TTC29: variants seen among roughly 807,000 people sequenced by gnomAD.
The protein encoded by TTC29 is tetratricopeptide repeat domain 29, also known as tetratricopeptide repeat protein 29.
Under a neutral mutation model 58.1 loss-of-function variants are expected in TTC29, and 49 were observed. The ratio of observed to expected loss-of-function variants is 0.84; its 90% CI spans 0.67 to 1.07. The LOEUF (loss-of-function observed/expected upper bound fraction) is 1.07. TTC29 is among the 50% of genes least tolerant of loss of function. The probability of loss-of-function intolerance (pLI) is 0.00; values close to 1 mark genes in which losing one functional copy is unlikely to be tolerated. For missense variants in TTC29, 582 were observed against 555.6 expected (o/e 1.05, Z -0.48); for synonymous variants, 209 against 196.8 (o/e 1.06, Z -0.52).
At chr4:146,707,584 T>C (rs764030093) in intron 11 of TTC29, 33 bp from the exon 12 acceptor site, 1 of 1,444,960 alleles carries the variant, frequency 6.9e-7, no homozygotes, top group East Asian at 2.3e-5. Flanking sequence ...TAATAGATTA[T>C]CATGAACACA....
intron 4 of TTC29, among the ~76,000 whole-genome samples, chr4:146,924,661 A>C (rs1734806716): frequency 6.6e-6 from 1 of 151,426 alleles, no homozygotes; most frequent in Admixed American, 6.6e-5. Context: ...CGAATGGTTG[A>C]TCAATTTTTT....
At chr4:146,837,407 A>G (rs977859941) in intron 8 of TTC29, among the ~76,000 whole-genome samples, 4 of 152,042 alleles carry the variant, frequency 2.6e-5, no homozygotes, top group African/African-American at 9.7e-5. Flanking sequence ...TAGGTTTAGT[A>G]CCCAGGTGAT....
intron 11 of TTC29, chr4:146,764,232 A>T (rs1186509747): frequency 6.6e-6 from 1 of 152,114 alleles, no homozygotes; most frequent in African/African-American, 2.4e-5. Context: ...AATAGATTCC[A>T]ATTCATAGCT....
chr4:146,923,121 C>T (rs1179379679), intron 4 of TTC29, among the ~76,000 whole-genome samples: 2 of 151,766 alleles, frequency 1.3e-5, no homozygotes, highest in East Asian at 3.8e-4. Flanking sequence ...ATTGTAATTT[C>T]TTTCACTGGG....
intron 11 of TTC29, among the ~76,000 whole-genome samples, chr4:146,786,581 T>G (rs926544553): frequency 1.3e-5 from 2 of 152,184 alleles, no homozygotes; most frequent in African/African-American, 4.8e-5. Context: ...ATTTAAACTT[T>G]AGGCTCCGAA....
chr4:146,726,208 C>A (rs576667111), intron 11 of TTC29, among the ~76,000 whole-genome samples: 2 of 152,114 alleles, frequency 1.3e-5, no homozygotes, highest in East Asian at 3.9e-4. Flanking sequence ...CAGCTGGGCA[C>A]TTTGGGAGCC....
intron 11 of TTC29, among the ~76,000 whole-genome samples, chr4:146,731,905 G>C (rs1045154922): frequency 6.6e-6 from 1 of 152,172 alleles, no homozygotes; most frequent in African/African-American, 2.4e-5. Context: ...GTTGCTTGTA[G>C]CTGCTGCCAC....
chr4:146,857,541 G>A (rs889516178), intron 8 of TTC29, among the ~76,000 whole-genome samples: 1 of 152,108 alleles, frequency 6.6e-6, no homozygotes, highest in Non-Finnish European at 1.5e-5. Context: ...TTAGAAGCTG[G>A]TGATGAACTA....
intron 11 of TTC29, among the ~76,000 whole-genome samples, chr4:146,779,465 A>G (rs1318762154): frequency 6.6e-6 from 1 of 152,192 alleles, no homozygotes; most frequent in Non-Finnish European, 1.5e-5. Flanking sequence ...ATTGAATTCA[A>G]CTGAGATATG....
At chr4:146,786,283 C>T (rs1416875237) in intron 11 of TTC29, among the ~76,000 whole-genome samples, 1 of 152,202 alleles carries the variant, frequency 6.6e-6, no homozygotes, top group East Asian at 1.9e-4. Flanking sequence ...CGTTTGTTCT[C>T]TAAAAGACTG....
chr4:146,781,995 C>CAAAT (rs1203650636), intron 11 of TTC29, among the ~76,000 whole-genome samples: 1 of 151,268 alleles, frequency 6.6e-6, no homozygotes, highest in African/African-American at 2.4e-5. Context: ...CAATTTCTAT[C>CAAAT]AAATAGGAAA....
intron 6 of TTC29, among the ~76,000 whole-genome samples, chr4:146,875,153 C>T (rs191142215): frequency 6.6e-6 from 1 of 152,054 alleles, no homozygotes; most frequent in Admixed American, 6.6e-5. Flanking sequence ...TGTACTCTGG[C>T]TAGTAGAAAT....
chr4:146,886,874 T>C (rs920899206), intron 6 of TTC29, among the ~76,000 whole-genome samples: 3 of 152,178 alleles, frequency 2.0e-5, no homozygotes, highest in Non-Finnish European at 4.4e-5. Context: ...CATTTAATTT[T>C]ATTCAGCCTT....
intron 11 of TTC29, among the ~76,000 whole-genome samples, chr4:146,751,432 C>T (rs375048879): frequency 1.3e-5 from 2 of 152,262 alleles, no homozygotes; most frequent in African/African-American, 4.8e-5. Flanking sequence ...GGACATAAAA[C>T]GTTCTTCAGG....
At chr4:146,923,937 GAATA>G (rs1734761186) in intron 4 of TTC29, among the ~76,000 whole-genome samples, 1 of 151,396 alleles carries the variant, frequency 6.6e-6, no homozygotes, top group Non-Finnish European at 1.5e-5. Flanking sequence ...CAATATAACA[GAATA>G]TATATGTACA....
intron 7 of TTC29, 110 bp downstream of exon 7, chr4:146,874,606 A>C: frequency 5.7e-6 from 5 of 880,322 alleles, no homozygotes; most frequent in Non-Finnish European, 8.8e-6. Context: ...TTGTCTTTGC[A>C]TTTCATAGGA....
At chr4:146,709,183 C>T (rs766154271) in intron 11 of TTC29, among the ~76,000 whole-genome samples, 24 of 152,112 alleles carry the variant, frequency 1.6e-4, no homozygotes, top group African/African-American at 5.3e-4. Context: ...ACCTCCTGTT[C>T]TTTTACATCT....
chr4:146,917,325 GTAT>G (rs1299457241), intron 4 of TTC29, among the ~76,000 whole-genome samples: 2 of 148,812 alleles, frequency 1.3e-5, no homozygotes, highest in Non-Finnish European at 3.0e-5. Flanking sequence ...TCATTTCAAT[GTAT>G]TATAATTTAA....
At chr4:146,901,740 C>A (rs915143418) in intron 6 of TTC29, among the ~76,000 whole-genome samples, 1 of 152,184 alleles carries the variant, frequency 6.6e-6, no homozygotes, top group Non-Finnish European at 1.5e-5. Context: ...TAGATAAGCA[C>A]CTTATATAAA....
Sources: gnomAD v4.1 joint callset for allele counts (sites outside exome capture counted in the v4.1 genomes callset) on GRCh38, gnomAD v4.1.1 for gene constraint, MANE v1.5 for transcripts, NCBI Gene and HGNC (gene_info 2026-07-23, HGNC 2026-07-21) for gene names.